RBM24: variants seen among roughly 807,000 people sequenced by gnomAD.
RBM24 encodes the protein RNA-binding protein 24.
Under a neutral mutation model 23.6 loss-of-function variants are expected in RBM24, and 5 were observed. The ratio of observed to expected loss-of-function variants is 0.21; its 90% CI spans 0.11 to 0.45. The LOEUF (loss-of-function observed/expected upper bound fraction) is 0.45. RBM24 is among the 20% of genes least tolerant of loss of function. The probability of loss-of-function intolerance (pLI) is 0.99; values close to 1 mark genes in which losing one functional copy is unlikely to be tolerated. For missense variants in RBM24, 252 were observed against 314.6 expected, an observed-to-expected ratio of 0.80 and a Z score of 1.51; for synonymous variants, 151 against 129.5, an observed-to-expected ratio of 1.17 and a Z score of -1.13.
chr6:17,282,885 G>GAACATACTTAGGAAC lies in RBM24; in HGVS notation c.252_253insATACTTAGGAACAAC (p.Asn84_Leu85insIleLeuArgAsnAsn). 1 of 1,614,126 alleles carries GAACATACTTAGGAAC rather than the reference G, an allele frequency of 6.2e-7. No homozygotes were observed. The highest frequency in any genetic ancestry group is 8.5e-7 in the Non-Finnish European group (1 of 1,180,032). ...TCATTGATGGCAGAAAGGCCAACGT[G>GAACATACTTAGGAAC]AACCTGGCATACTTAGGAGCAAAAC... On this transcript the variant is annotated inframe_insertion, in exon 2 of 4. Transcript: ENST00000379052.
intron 3 of RBM24, among the ~76,000 whole-genome samples, chr6:17,285,948 A>G (rs564878966): frequency 2.2e-4 from 33 of 152,158 alleles, no homozygotes; most frequent in Non-Finnish European, 4.1e-4. Flanking sequence ...TTGTTGAAAG[A>G]GTGTTTTATC....
chr6:17,283,795 C>T (rs1760109943), intron 2 of RBM24, among the ~76,000 whole-genome samples: 1 of 152,158 alleles, frequency 6.6e-6, no homozygotes, highest in Non-Finnish European at 1.5e-5. Flanking sequence ...CTCAAGAACC[C>T]TATGCTACAG....
At chr6:17,291,483 A>G (rs1287863630) in intron 3 of RBM24, among the ~76,000 whole-genome samples, 1 of 152,118 alleles carries the variant, frequency 6.6e-6, no homozygotes, top group African/African-American at 2.4e-5. Flanking sequence ...TTATTTTCCA[A>G]ACTCTTGATA....
intron 3 of RBM24, chr6:17,288,887 C>T (rs780379335): frequency 1.8e-4 from 174 of 985,166 alleles, no homozygotes; most frequent in Middle Eastern, 5.2e-4. Flanking sequence ...TTTTAGGGGC[C>T]AAGGATTACT....
chr6:17,291,257 T>G (rs914110512), intron 3 of RBM24, among the ~76,000 whole-genome samples: 7 of 146,998 alleles, frequency 4.8e-5, no homozygotes, highest in African/African-American at 1.6e-4. Flanking sequence ...ACGGATTTTG[T>G]TAACGTTTAT....
At chr6:17,289,093 C>T in intron 3 of RBM24, 1 of 985,392 alleles carries the variant, frequency 1.0e-6, no homozygotes, top group Non-Finnish European at 1.2e-6. Flanking sequence ...CCAAAAGTGT[C>T]TTCTTTGCAC....
At chr6:17,283,781 C>G (rs1760109722) in intron 2 of RBM24, among the ~76,000 whole-genome samples, 2 of 152,118 alleles carry the variant, frequency 1.3e-5, no homozygotes, top group African/African-American at 4.8e-5. Flanking sequence ...AGAAATTGCA[C>G]CTACTCAAGA....
intron 3 of RBM24, 199 bp downstream of exon 3, chr6:17,284,910 C>T: frequency 2.4e-6 from 1 of 417,324 alleles, no homozygotes. Flanking sequence ...ATGCAGCCTC[C>T]AAACGAGACA....
intron 3 of RBM24, 58 bp downstream of exon 3, chr6:17,284,769 C>G (rs907849025): frequency 1.8e-5 from 23 of 1,312,854 alleles, no homozygotes; most frequent in South Asian, 1.4e-4. Flanking sequence ...TGTTAACGTG[C>G]CTCTTTGTTA....
chr6:17,289,961 A>T (rs1050578269), intron 3 of RBM24: 7 of 1,289,188 alleles, frequency 5.4e-6, no homozygotes, highest in Non-Finnish European at 7.1e-6. Flanking sequence ...GAGTGTGTGC[A>T]TGACCACGCG....
At chr6:17,282,453 T>C in intron 1 of RBM24, 1 of 414,710 alleles carries the variant, frequency 2.4e-6, no homozygotes, top group South Asian at 1.8e-5. Flanking sequence ...AGTAGGGACC[T>C]GGGGGGCGGG....
chr6:17,282,148 G>A (rs1760038636), intron 1 of RBM24: 1 of 1,238,000 alleles, frequency 8.1e-7, no homozygotes, highest in South Asian at 1.4e-5. Context: ...TTTGGCTGGG[G>A]CAGGGAGGGG....
At chr6:17,283,353 G>T (rs763004199) in intron 2 of RBM24, among the ~76,000 whole-genome samples, 30 of 152,260 alleles carry the variant, frequency 2.0e-4, no homozygotes, top group Admixed American at 9.8e-4. Context: ...CTCAGAGCAG[G>T]CAGTCTGACT....
At chr6:17,283,827 G>A (rs1248134414) in intron 2 of RBM24, among the ~76,000 whole-genome samples, 1 of 152,212 alleles carries the variant, frequency 6.6e-6, no homozygotes, top group African/African-American at 2.4e-5. Context: ...GATGCTTAGA[G>A]ATGAGAAATA....
chr6:17,283,243 G>C (rs1760085105), intron 2 of RBM24, among the ~76,000 whole-genome samples: 1 of 152,116 alleles, frequency 6.6e-6, no homozygotes, highest in African/African-American at 2.4e-5. Flanking sequence ...GCCACCTGTA[G>C]ATAATTCACA....
chr6:17,284,558 TTATC>T, intron 2 of RBM24, 95 bp from the exon 3 acceptor site: 1 of 900,992 alleles, frequency 1.1e-6, no homozygotes, highest in Non-Finnish European at 1.7e-6. Context: ...GAAAGAATGT[TTATC>T]TTTTATAAGT....
chr6:17,288,558 GAA>G, intron 3 of RBM24: 2 of 985,432 alleles, frequency 2.0e-6, no homozygotes, highest in Non-Finnish European at 2.4e-6. Flanking sequence ...CATAAAAAAA[GAA>G]ACATATGAGA....
In RBM24 at chr6:17,292,344, G is replaced by T; in HGVS notation, c.*225G>T. 1 of 343,174 alleles carries T rather than the reference G, an allele frequency of 2.9e-6. No homozygotes were observed. The highest frequency in any genetic ancestry group is 4.5e-5 in the East Asian group (1 of 22,306). 21.3% of individuals were successfully genotyped at this position (343,174 alleles called of 1,614,324 possible). The stretch of plus-strand genomic sequence containing the variant: ...CACAATTTTGGAAATCAATCCCAAA[G>T]AGCCTGAGTAAATGAAAGGCCACTA... On this transcript the variant is annotated 3_prime_UTR_variant, in exon 4 of 4. Coordinates refer to ENST00000379052, the MANE Select transcript of RBM24 (RefSeq NM_001143942.2).
chr6:17,292,044 C>A lies in RBM24; in HGVS notation c.636C>A (p.Ala212=), dbSNP rs572440984. The change falls in exon 4 of 4, where the codon GCC becomes GCA. Residue 212 remains alanine, a synonymous_variant. Coordinates refer to ENST00000379052, the MANE Select transcript of RBM24 (RefSeq NM_001143942.2). Reference sequence around the variant, plus strand: ...CGGCACCTGGGACAGCTGCCGCCGCCGCTGCAGCAGCTGCTGCCGCTGCAG... The same window carrying A: ...CGGCACCTGGGACAGCTGCCGCCGCAGCTGCAGCAGCTGCTGCCGCTGCAG... ...TAAAPGTAAA[A]AAAAAAAAAF... is the part of the protein sequence containing the mutation. 1 of 1,595,734 alleles carries A rather than the reference C, an allele frequency of 6.3e-7. No individual in the cohort carries two copies. The highest frequency in any genetic ancestry group is 1.7e-5 in the Admixed American group (1 of 59,678).
Sources: allele counts gnomAD v4.1 joint callset (sites outside exome capture counted in the v4.1 genomes callset), GRCh38; gene constraint gnomAD v4.1.1; transcripts MANE v1.5; gene names NCBI Gene and HGNC (gene_info 2026-07-23, HGNC 2026-07-21).